TSHZ3: variants seen among roughly 807,000 people sequenced by gnomAD.
The protein encoded by TSHZ3 is teashirt homolog 3.
Under a neutral mutation model 64.5 loss-of-function variants are expected in TSHZ3, and 10 were observed. The ratio of observed to expected loss-of-function variants is 0.16; its 90% CI spans 0.10 to 0.26. The LOEUF is 0.26. Ranked by LOEUF, TSHZ3 falls within the 10% of genes least tolerant of loss-of-function variation. The pLI is 1.00. For synonymous variants in TSHZ3, 608 were observed against 593.1 expected (o/e 1.03, Z -0.36); for missense variants, 1,242 against 1,421.7 (o/e 0.87, Z 2.03).
rs182868256 is a variant in TSHZ3 at position 31,276,183 on chromosome 19, G to A, written c.*364C>T. The A allele has an allele frequency of 3.0e-4, 52 of 172,110 alleles. No homozygotes were observed. Among genetic ancestry groups the A allele is most frequent in the African/African-American group, 1.2e-3 (50 of 42,394 alleles). 10.7% of individuals were successfully genotyped at this position (172,110 alleles called of 1,614,324 possible). A position where few individuals can be genotyped will look rare whatever the true frequency, so the allele number is the denominator to read the frequency against. On this transcript the variant is annotated 3_prime_UTR_variant, in exon 2 of 2. Transcript: ENST00000240587. ...CAGAGGGCTAAAGATGAAAGGGTGA[G>A]AAATGCCAGCACACTCGAGTCTCGT... is the stretch of plus-strand genomic sequence containing the variant.
intron 5 of TSHZ3, among the ~76,000 whole-genome samples, chr19:31,197,771 T>C (rs1975013486): frequency 1.3e-5 from 2 of 152,014 alleles, no homozygotes; most frequent in Admixed American, 6.6e-5. Context: ...ACAATTTTAA[T>C]AGGCTTATAT....
At chr19:31,186,562 T>C (rs893834257) in intron 5 of TSHZ3, among the ~76,000 whole-genome samples, 3 of 152,226 alleles carry the variant, frequency 2.0e-5, no homozygotes, top group African/African-American at 7.2e-5. Flanking sequence ...ATTAAACCTC[T>C]TTTCTTGATA....
chr19:31,219,291 T>C (rs1174760112), intron 4 of TSHZ3, among the ~76,000 whole-genome samples: 1 of 152,190 alleles, frequency 6.6e-6, no homozygotes, highest in Non-Finnish European at 1.5e-5. Flanking sequence ...CTATGACCTC[T>C]GTATCAGAGA....
At chr19:31,272,937 C>G (rs756566822), downstream of TSHZ3, among the ~76,000 whole-genome samples, 1 of 152,092 alleles carries the variant, frequency 6.6e-6, no homozygotes, top group Non-Finnish European at 1.5e-5. Context: ...CTGACTTGGG[C>G]GACCAATGCC....
At chr19:31,235,602 TTC>T (rs1568355656) in intron 3 of TSHZ3, among the ~76,000 whole-genome samples, 2 of 148,344 alleles carry the variant, frequency 1.3e-5, no homozygotes, top group African/African-American at 2.6e-5. Context: ...TCTTTTTTCT[TTC>T]TTTCTTTCTT....
chr19:31,172,471 C>T (rs928851099), intron 5 of TSHZ3, among the ~76,000 whole-genome samples: 4 of 152,188 alleles, frequency 2.6e-5, no homozygotes, highest in Non-Finnish European at 5.9e-5. Context: ...GTCTGAAATG[C>T]AAAACATGCA....
intron 1 of TSHZ3, among the ~76,000 whole-genome samples, chr19:31,324,292 T>C (rs933795560): frequency 1.3e-5 from 2 of 152,220 alleles, no homozygotes; most frequent in African/African-American, 4.8e-5. Flanking sequence ...ACGTTTACAA[T>C]TTGACTATTC....
chr19:31,295,058 G>T (rs574076792), intron 1 of TSHZ3, among the ~76,000 whole-genome samples: 18 of 151,998 alleles, frequency 1.2e-4, no homozygotes, highest in Non-Finnish European at 2.6e-4. Context: ...TATGATTAAG[G>T]GTGTTCTCAT....
intron 4 of TSHZ3, among the ~76,000 whole-genome samples, chr19:31,214,203 C>T (rs930012870): frequency 1.3e-5 from 2 of 152,202 alleles, no homozygotes; most frequent in Non-Finnish European, 2.9e-5. Flanking sequence ...CTCCGTCATT[C>T]ATGTAATCAT....
intron 4 of TSHZ3, among the ~76,000 whole-genome samples, chr19:31,220,322 C>T (rs544484288): frequency 8.6e-4 from 131 of 152,298 alleles, no homozygotes; most frequent in African/African-American, 3.1e-3. Context: ...ATCCAGTTAT[C>T]TGTCATCCAA....
chr19:31,173,781 A>G (rs764068456), intron 5 of TSHZ3, among the ~76,000 whole-genome samples: 1 of 152,358 alleles, frequency 6.6e-6, no homozygotes, highest in African/African-American at 2.4e-5. Flanking sequence ...ACATAGATGT[A>G]AACAGATTTA....
intron 4 of TSHZ3, among the ~76,000 whole-genome samples, chr19:31,216,163 T>A (rs1379876814): frequency 6.6e-6 from 1 of 152,158 alleles, no homozygotes; most frequent in Non-Finnish European, 1.5e-5. Context: ...TTCTTTATGA[T>A]GGTGTTATGT....
chr19:31,262,897 C>T (rs1268713065), intron 1 of TSHZ3, among the ~76,000 whole-genome samples: 1 of 152,196 alleles, frequency 6.6e-6, no homozygotes, highest in African/African-American at 2.4e-5. Flanking sequence ...ATAGTTAACT[C>T]GGACAAGAGC....
intron 4 of TSHZ3, among the ~76,000 whole-genome samples, chr19:31,211,963 T>C (rs1975263559): frequency 6.6e-6 from 1 of 152,188 alleles, no homozygotes; most frequent in Non-Finnish European, 1.5e-5. Flanking sequence ...CTTGGAGGCA[T>C]GTTTGCTCAG....
At chr19:31,205,311 T>G (rs958551598) in intron 4 of TSHZ3, among the ~76,000 whole-genome samples, 1 of 152,212 alleles carries the variant, frequency 6.6e-6, no homozygotes, top group African/African-American at 2.4e-5. Context: ...AGGTGGAACA[T>G]TTTAGGGACT....
chr19:31,212,900 C>T (rs1433324568), intron 4 of TSHZ3, among the ~76,000 whole-genome samples: 5 of 152,048 alleles, frequency 3.3e-5, no homozygotes, highest in Non-Finnish European at 7.4e-5. Context: ...ACCCAGACAA[C>T]AGAATATTAT....
At chr19:31,221,476 C>T (rs1975394188) in intron 4 of TSHZ3, among the ~76,000 whole-genome samples, 1 of 152,222 alleles carries the variant, frequency 6.6e-6, no homozygotes, top group African/African-American at 2.4e-5. Context: ...TAAATCCACT[C>T]CCGGCCTCAG....
At chr19:31,209,788 C>A (rs1975238402) in intron 4 of TSHZ3, among the ~76,000 whole-genome samples, 1 of 152,068 alleles carries the variant, frequency 6.6e-6, no homozygotes, top group African/African-American at 2.4e-5. Context: ...TTGGGATGAG[C>A]AGTGATGCCC....
chr19:31,157,062 G>A (rs935122067), intron 5 of TSHZ3, among the ~76,000 whole-genome samples: 1 of 152,042 alleles, frequency 6.6e-6, no homozygotes. Context: ...TGAGGCCCTA[G>A]GTACAGAATT....
Sources: gnomAD v4.1 joint callset for allele counts (sites outside exome capture counted in the v4.1 genomes callset) on GRCh38, gnomAD v4.1.1 for gene constraint, MANE v1.5 for transcripts, NCBI Gene and HGNC (gene_info 2026-07-23, HGNC 2026-07-21) for gene names.